PTPRN2: variants seen among roughly 807,000 people sequenced by gnomAD.
PTPRN2 encodes the protein protein tyrosine phosphatase receptor type N2.
PTPRN2 carries 74 observed loss-of-function variants against 118.8 expected under a neutral mutation model. The observed-to-expected ratio is 0.62, with a 90% CI of 0.52 to 0.76. The LOEUF is 0.76. Among genes scored for constraint, PTPRN2 ranks in the 30% least tolerant of loss-of-function variants. The probability of loss-of-function intolerance (pLI) is 0.00; values close to 1 mark genes in which losing one functional copy is unlikely to be tolerated. For synonymous variants in PTPRN2, 641 were observed against 608.0 expected (o/e 1.05, Z -0.80); for missense variants, 1,481 against 1,394.4 (o/e 1.06, Z -0.99).
intron 11 of PTPRN2, among the ~76,000 whole-genome samples, chr7:157,932,530 G>C (rs1799421854): frequency 6.6e-6 from 1 of 152,136 alleles, no homozygotes; most frequent in African/African-American, 2.4e-5. Flanking sequence ...AGTTTTAGAG[G>C]AGGGGTGAGT....
At chr7:158,085,169 T>C (rs1334330969) in intron 10 of PTPRN2, among the ~76,000 whole-genome samples, 12 of 61,564 alleles carry the variant, frequency 1.9e-4, no homozygotes, top group African/African-American at 9.0e-4. Context: ...CCCATCCAGA[T>C]ACCCATCCAC....
Position 157,587,134 on chromosome 7 carries a change from CACAGGCAGGCAGACAGGCAG to C in PTPRN2, c.2496+8084_2496+8103del, listed in dbSNP as rs529355212. On this transcript the variant is annotated intron_variant, in intron 17 of 22. Transcript: ENST00000389418. The surrounding 1 kb of genome is among the most constrained non-coding windows in gnomAD (Gnocchi z 5.3). ...AGCTGACACAGCAGACAGGCAGATA[CACAGGCAGGCAGACAGGCAG>C]ACAGGCAGGCAGACAGACAAGACAG... 6.6e-6 allele frequency among the ~76,000 whole-genome samples: 1 copy of C among 151,596 alleles called. No homozygotes were observed. Among genetic ancestry groups the C allele is most frequent in the Non-Finnish European group, 1.5e-5 (1 of 67,830 alleles).
intron 2 of PTPRN2, among the ~76,000 whole-genome samples, chr7:158,341,562 C>A (rs1479797916): frequency 1.6e-5 from 2 of 125,432 alleles, no homozygotes; most frequent in African/African-American, 5.9e-5. Context: ...ACGTCACTCA[C>A]ACCCACACTC....
intron 11 of PTPRN2, among the ~76,000 whole-genome samples, chr7:157,959,704 A>G (rs1801400967): frequency 6.6e-6 from 1 of 152,224 alleles, no homozygotes; most frequent in African/African-American, 2.4e-5. Flanking sequence ...GAGGGTGTAA[A>G]GAGACTGAAA....
intron 3 of PTPRN2, among the ~76,000 whole-genome samples, chr7:158,303,564 CT>C (rs1801055294): frequency 6.6e-6 from 1 of 152,138 alleles, no homozygotes; most frequent in Non-Finnish European, 1.5e-5. Context: ...ATGTGTAAAC[CT>C]TAAAACAGCT....
intron 9 of PTPRN2, among the ~76,000 whole-genome samples, chr7:158,128,297 C>T (rs1817865683): frequency 6.6e-6 from 1 of 152,210 alleles, no homozygotes; most frequent in Non-Finnish European, 1.5e-5. Flanking sequence ...GTGCATCACA[C>T]CTTGCTCAAG....
At chr7:158,554,604 A>G (rs1406805426) in intron 1 of PTPRN2, among the ~76,000 whole-genome samples, 1 of 151,952 alleles carries the variant, frequency 6.6e-6, no homozygotes, top group Non-Finnish European at 1.5e-5. Flanking sequence ...GGCACAGAGG[A>G]TTTAAGGAAT....
rs1563522278 is a variant in PTPRN2 at position 158,151,514 on chromosome 7, T to TCCCTGCCCA, written c.911-13000_911-12999insTGGGCAGGG. Among the ~76,000 whole-genome samples, 170 of 146,190 alleles carry TCCCTGCCCA rather than the reference T, an allele frequency of 1.2e-3. 6 individuals are homozygous for TCCCTGCCCA. The highest frequency in any genetic ancestry group is 2.0e-3 in the East Asian group (10 of 4,924). The stretch of plus-strand genomic sequence containing the variant: ...CCCACACCGCCCGCCTTTCTGCTCC[T>TCCCTGCCCA]CACCGCACGTCCTACTCCAGGCGAT... On this transcript the variant is annotated intron_variant, in intron 6 of 22. Coordinates refer to ENST00000389418, the MANE Select transcript of PTPRN2 (RefSeq NM_002847.5).
intron 11 of PTPRN2, among the ~76,000 whole-genome samples, chr7:157,999,053 C>T (rs13234116): frequency 0.67 from 101,725 of 151,414 alleles, 34,592 homozygotes; most frequent in East Asian, 0.88. Context: ...GCTGTTCCTC[C>T]GAGCGGCCGT....
chr7:157,620,913 G>C (rs1438515175), intron 15 of PTPRN2, among the ~76,000 whole-genome samples: 1 of 148,062 alleles, frequency 6.8e-6, no homozygotes, highest in African/African-American at 2.5e-5. Context: ...ACACAGGTCA[G>C]CATGGCCAGT....
rs557621902 is a variant in PTPRN2 at position 158,110,191 on chromosome 7, G to A, written c.1643+638C>T. On this transcript the variant is annotated intron_variant, in intron 10 of 22. Coordinates refer to ENST00000389418, the MANE Select transcript of PTPRN2 (RefSeq NM_002847.5). ...CTGACCTCTCCACACCCAGCTGTGC[G>A]CTGTGGGAGCTCCTGCAGCTTCTGC... Among the ~76,000 whole-genome samples the A allele has an allele frequency of 1.1e-4, 17 of 152,330 alleles. No homozygotes were observed. In the South Asian group the frequency reaches 1.7e-3, roughly 15 times the overall value.
At chr7:158,233,075 C>T (rs1256534791) in intron 3 of PTPRN2, among the ~76,000 whole-genome samples, 1 of 152,084 alleles carries the variant, frequency 6.6e-6, no homozygotes, top group Non-Finnish European at 1.5e-5. Flanking sequence ...GTCCTGACCA[C>T]AGCAATTAGG....
At chr7:158,200,983 G>C (rs1826598763) in intron 4 of PTPRN2, among the ~76,000 whole-genome samples, 1 of 151,082 alleles carries the variant, frequency 6.6e-6, no homozygotes. Flanking sequence ...TTATTTAAAA[G>C]AGAACAGCAA....
intron 12 of PTPRN2, among the ~76,000 whole-genome samples, chr7:157,772,162 C>T (rs1408645315): frequency 1.3e-5 from 2 of 150,928 alleles, no homozygotes; most frequent in Non-Finnish European, 2.9e-5. Context: ...CAAACACACA[C>T]ACAGGCACAG....
intron 11 of PTPRN2, among the ~76,000 whole-genome samples, chr7:157,910,589 G>A (rs1798048002): frequency 1.3e-5 from 2 of 152,242 alleles, no homozygotes; most frequent in Non-Finnish European, 2.9e-5. Flanking sequence ...CACAGCTGGC[G>A]GACGCTTCCT....
intron 14 of PTPRN2, among the ~76,000 whole-genome samples, chr7:157,639,736 T>A (rs1167925046): frequency 6.6e-6 from 1 of 152,054 alleles, no homozygotes; most frequent in African/African-American, 2.4e-5. Flanking sequence ...TTGCTGGAGG[T>A]AGAGAGCTGG....
chr7:158,044,313 C>A (rs1808682722), intron 11 of PTPRN2, among the ~76,000 whole-genome samples: 1 of 152,186 alleles, frequency 6.6e-6, no homozygotes, highest in South Asian at 2.1e-4. Flanking sequence ...TGGGCGGCCA[C>A]AGCCCTGAGG....
In PTPRN2 at chr7:157,943,032, G is replaced by A. The variant is rs115797757; in HGVS notation, c.1724-44295C>T. ...GGGCAGCAGGTGTGCACAGCAGGAG[G>A]GCCGGGCCTGGTGCTCCCAGCATCT... On this transcript the variant is annotated intron_variant, in intron 11 of 22. Coordinates refer to ENST00000389418, the MANE Select transcript of PTPRN2 (RefSeq NM_002847.5). Among the ~76,000 whole-genome samples the A allele has an allele frequency of 5.6e-3, 850 of 152,298 alleles. 10 individuals are homozygous for A. Among genetic ancestry groups the A allele is most frequent in the African/African-American group, 0.02 (823 of 41,560 alleles).
At chr7:158,062,686 G>A (rs931877152) in intron 11 of PTPRN2, among the ~76,000 whole-genome samples, 1 of 152,212 alleles carries the variant, frequency 6.6e-6, no homozygotes, top group African/African-American at 2.4e-5. Context: ...AGCGCTGCTG[G>A]CCCCAGGCAG....
Sources: allele counts gnomAD v4.1 joint callset (sites outside exome capture counted in the v4.1 genomes callset), GRCh38; gene constraint gnomAD v4.1.1; non-coding constraint Gnocchi (gnomAD v3.1); transcripts MANE v1.5; gene names NCBI Gene and HGNC (gene_info 2026-07-23, HGNC 2026-07-21).